FAM227B: variants seen among roughly 807,000 people sequenced by gnomAD.
The protein encoded by FAM227B is family with sequence similarity 227 member B.
FAM227B carries 88 observed loss-of-function variants against 73.8 expected under a neutral mutation model. The ratio of observed to expected loss-of-function variants is 1.19; its 90% CI spans 1.00 to 1.42. FAM227B has a LOEUF of 1.42. Ranked by LOEUF, FAM227B falls within the 40% of genes most tolerant of loss-of-function variation. FAM227B has a pLI of 0.00. For missense variants in FAM227B, 632 were observed against 590.9 expected, an observed-to-expected ratio of 1.07 and a Z score of -0.72; for synonymous variants, 210 against 190.5, an observed-to-expected ratio of 1.10 and a Z score of -0.84.
intron 11 of FAM227B, among the ~76,000 whole-genome samples, chr15:49,404,239 G>C (rs1430375860): frequency 1.3e-5 from 2 of 152,120 alleles, no homozygotes; most frequent in African/African-American, 4.8e-5. Flanking sequence ...GTATTCTCTT[G>C]TTTTGGGTGG....
At chr15:49,506,673 TAAAC>T (rs1295528391) in intron 11 of FAM227B, among the ~76,000 whole-genome samples, 1 of 151,968 alleles carries the variant, frequency 6.6e-6, no homozygotes, top group East Asian at 1.9e-4. Context: ...ATTTGGAAAT[TAAAC>T]AATACTTTTC....
chr15:49,547,615 G>A (rs578239209), intron 9 of FAM227B, among the ~76,000 whole-genome samples: 1 of 152,130 alleles, frequency 6.6e-6, no homozygotes, highest in Non-Finnish European at 1.5e-5. Context: ...ACAAAAAAAG[G>A]CAGGGGTTGC....
intron 13 of FAM227B, among the ~76,000 whole-genome samples, chr15:49,341,512 T>G (rs1447154648): frequency 6.6e-6 from 1 of 152,120 alleles, no homozygotes; most frequent in Non-Finnish European, 1.5e-5. Flanking sequence ...TGTGCCACCA[T>G]GCCTAATTTT....
At chr15:49,436,586 C>G (rs2051126190) in intron 11 of FAM227B, among the ~76,000 whole-genome samples, 1 of 151,482 alleles carries the variant, frequency 6.6e-6, no homozygotes, top group Non-Finnish European at 1.5e-5. Flanking sequence ...GTGTTAAACA[C>G]TTTATATACA....
At chr15:49,331,099 T>C (rs1164202892) in intron 15 of FAM227B, 1 of 152,262 alleles carries the variant, frequency 6.6e-6, no homozygotes, top group Non-Finnish European at 1.5e-5. Context: ...TTTTTGACAT[T>C]ATACTAGCAG....
chr15:49,446,162 G>A (rs2052188817), intron 11 of FAM227B, among the ~76,000 whole-genome samples: 1 of 151,574 alleles, frequency 6.6e-6, no homozygotes, highest in East Asian at 1.9e-4. Flanking sequence ...TTTTCATTGA[G>A]GAAGGCTTCA....
Position 49,541,729 on chromosome 15 carries a change from AT to A in FAM227B, c.824del (p.Asn275MetfsTer8). 4.5e-6 allele frequency: 7 copies of A among 1,540,446 alleles called. No homozygotes were observed. Among genetic ancestry groups the A allele is most frequent in the Non-Finnish European group, 6.1e-6 (7 of 1,143,584 alleles). ...EAFPESSYLF[N>X]DEFKEDLGNN... ...TCCCTAGATCTTCTTTAAATTCATC[AT>A]TAAAGAGGTAACTCGATTCTGGAAA... On this transcript the variant is annotated frameshift_variant, in exon 10 of 16. Transcript: ENST00000299338. LOFTEE classifies it high-confidence loss of function.
At chr15:49,458,507 C>A (rs1206151234) in intron 11 of FAM227B, among the ~76,000 whole-genome samples, 2 of 152,062 alleles carry the variant, frequency 1.3e-5, no homozygotes, top group Non-Finnish European at 2.9e-5. Flanking sequence ...AGATTCAACA[C>A]ACTTTTGCAT....
chr15:49,371,759 A>AAATAATGAAATAAAATTCACTTATAAATC (rs1250333608), intron 11 of FAM227B, among the ~76,000 whole-genome samples: 1 of 148,212 alleles, frequency 6.7e-6, no homozygotes, highest in Non-Finnish European at 1.5e-5. Context: ...ACTTATAAAT[A>AAATAATGAAATAAAATTCACTTATAAATC]AATGAAATAA....
At chr15:49,355,793 T>C (rs2043054696) in intron 13 of FAM227B, among the ~76,000 whole-genome samples, 2 of 151,890 alleles carry the variant, frequency 1.3e-5, no homozygotes, top group African/African-American at 4.8e-5. Flanking sequence ...AATTGTCAGA[T>C]TCACCAAAGT....
At chr15:49,497,100 A>G (rs1449824051) in intron 11 of FAM227B, among the ~76,000 whole-genome samples, 1 of 152,214 alleles carries the variant, frequency 6.6e-6, no homozygotes, top group Non-Finnish European at 1.5e-5. Flanking sequence ...AAAATGCTGG[A>G]AAAGGGGAAT....
At chr15:49,546,409 C>T (rs1438197806) in intron 9 of FAM227B, among the ~76,000 whole-genome samples, 4 of 152,126 alleles carry the variant, frequency 2.6e-5, no homozygotes, top group Admixed American at 2.6e-4. Flanking sequence ...AATAGTGCCG[C>T]AATAAACATA....
chr15:49,364,004 G>C (rs542303812), intron 13 of FAM227B, among the ~76,000 whole-genome samples: 1 of 152,220 alleles, frequency 6.6e-6, no homozygotes, highest in Admixed American at 6.5e-5. Context: ...ACATGCTGCT[G>C]GATTCCGTTC....
chr15:49,614,873 TAGTC>T (rs1489514833), intron 2 of FAM227B: 1 of 449,616 alleles, frequency 2.2e-6, no homozygotes, highest in East Asian at 3.5e-5. Flanking sequence ...ACCCTAATTT[TAGTC>T]AGTCAGGGAG....
chr15:49,464,812 C>T (rs141201888), intron 11 of FAM227B, among the ~76,000 whole-genome samples: 2,722 of 152,238 alleles, frequency 0.018, 41 homozygotes, highest in Middle Eastern at 0.048. Context: ...AAGACAGATG[C>T]CATTCTCCTT....
chr15:49,445,182 T>C (rs2052071304), intron 11 of FAM227B, among the ~76,000 whole-genome samples: 1 of 151,644 alleles, frequency 6.6e-6, no homozygotes, highest in South Asian at 2.1e-4. Flanking sequence ...GGGTATATTG[T>C]GTGATGCTAA....
chr15:49,343,208 TTTTG>T (rs941317045), intron 13 of FAM227B, among the ~76,000 whole-genome samples: 47 of 152,254 alleles, frequency 3.1e-4, no homozygotes, highest in African/African-American at 1.1e-3. Flanking sequence ...TTCTCAAAGA[TTTTG>T]TTTATTTTTC....
At chr15:49,606,379 T>C (rs762242264) in intron 3 of FAM227B, among the ~76,000 whole-genome samples, 4 of 152,176 alleles carry the variant, frequency 2.6e-5, no homozygotes, top group African/African-American at 4.8e-5. Flanking sequence ...ATAATTGCCA[T>C]CCCTAACAAT....
intron 11 of FAM227B, among the ~76,000 whole-genome samples, chr15:49,464,050 C>T (rs1359498793): frequency 6.6e-6 from 1 of 151,658 alleles, no homozygotes. Flanking sequence ...TTTTTTTTTC[C>T]ATCCCCAAAC....
Sources: allele counts gnomAD v4.1 joint callset (sites outside exome capture counted in the v4.1 genomes callset), GRCh38; gene constraint gnomAD v4.1.1; transcripts MANE v1.5; gene names NCBI Gene and HGNC (gene_info 2026-07-23, HGNC 2026-07-21).